Variants in SPON1 observed in about 807,000 individuals in gnomAD.
SPON1 encodes spondin-1.
In SPON1, 52 loss-of-function variants were observed where a neutral mutation model predicts 111.7. That is an observed-to-expected ratio of 0.47 (90% CI 0.37 to 0.59). SPON1 has a LOEUF of 0.59. SPON1 is among the 20% of genes least tolerant of loss of function. SPON1 has a pLI of 0.00. For synonymous variants in SPON1, 410 were observed against 395.8 expected, an observed-to-expected ratio of 1.04 and a Z score of -0.43; for missense variants, 957 against 1,068.5, an observed-to-expected ratio of 0.90 and a Z score of 1.46.
chr11:14,041,563 G>A lies in SPON1; in HGVS notation c.388G>A (p.Val130Ile). The stretch of plus-strand genomic sequence containing the variant: ...AACTCAGTTTATGAGCAATTGCCCT[G>A]TTGCAGTCACTGAAAGCACTCCACG... ...EETQFMSNCP[V>I]AVTESTPRRR... is the part of the protein sequence containing the mutation. Residue 130 changes from valine (V) to isoleucine (I), a missense_variant, in exon 3 of 16, where the codon GTT (valine) becomes ATT (isoleucine). Physicochemically the swap from Val to Ile is conservative, Grantham distance 29. This residue lies in a region of SPON1 where 262 missense variants were observed against 253.9 expected (regional missense o/e 1.03). Coordinates refer to ENST00000576479, the MANE Select transcript of SPON1 (RefSeq NM_006108.4). 4.3e-6 allele frequency: 7 copies of A among 1,613,928 alleles called. No homozygotes were observed. Among genetic ancestry groups the A allele is most frequent in the Non-Finnish European group, 5.9e-6 (7 of 1,179,862 alleles).
At chr11:14,110,500 T>A (rs1294136181) in intron 5 of SPON1, among the ~76,000 whole-genome samples, 2 of 152,142 alleles carry the variant, frequency 1.3e-5, no homozygotes, top group African/African-American at 4.8e-5. Context: ...CTCACACAAT[T>A]ACAAGATGAA....
At chr11:14,181,255 A>G (rs1848232534) in intron 6 of SPON1, among the ~76,000 whole-genome samples, 1 of 152,144 alleles carries the variant, frequency 6.6e-6, no homozygotes, top group African/African-American at 2.4e-5. Flanking sequence ...TCCCACTACA[A>G]AGAGATGAAA....
In SPON1 at chr11:14,135,370, TGTTTCAGCCACA is replaced by T; in HGVS notation, c.677-48_677-37del. ...TCCTCCCCATCATTTAAGGGACTCGTGTTTCAGCCACAGCCATGCTGATAACTGCCTCCTGAT... is the reference window on the plus strand; with the variant it reads ...TCCTCCCCATCATTTAAGGGACTCGTGCCATGCTGATAACTGCCTCCTGAT... On this transcript the variant is annotated intron_variant, in intron 5 of 15. Transcript: ENST00000576479. The surrounding 1 kb of genome is among the most constrained non-coding windows in gnomAD (Gnocchi z 4.4). The T allele has an allele frequency of 6.3e-7, 1 of 1,580,104 alleles. No homozygotes were observed. The highest frequency in any genetic ancestry group is 8.6e-7 in the Non-Finnish European group (1 of 1,158,544).
Position 14,254,748 on chromosome 11 carries a change from AGT to A in SPON1, c.1092+21_1092+22del, listed in dbSNP as rs1849088270. 1.2e-6 allele frequency: 2 copies of A among 1,610,554 alleles called. No homozygotes were observed. Among genetic ancestry groups the A allele is most frequent in the Admixed American group, 1.7e-5 (1 of 59,936 alleles). Reference sequence around the variant, plus strand: ...CTATGAGGTGTGTGTGTGTGCCTGGAGTGGTGAGTGGCTCCTTGCCTACCCGC... The same window carrying A: ...CTATGAGGTGTGTGTGTGTGCCTGGAGGTGAGTGGCTCCTTGCCTACCCGC... On this transcript the variant is annotated intron_variant, in intron 8 of 15. Transcript: ENST00000576479.
At chr11:13,992,253 C>T (rs989768784) in intron 2 of SPON1, among the ~76,000 whole-genome samples, 4 of 152,162 alleles carry the variant, frequency 2.6e-5, no homozygotes, top group Non-Finnish European at 5.9e-5. Context: ...TCAGAGATGT[C>T]CTGCCCAGAG....
intron 6 of SPON1, among the ~76,000 whole-genome samples, chr11:14,189,890 G>A (rs1848326570): frequency 6.6e-6 from 1 of 152,178 alleles, no homozygotes; most frequent in Non-Finnish European, 1.5e-5. Flanking sequence ...AACACAGACA[G>A]TTAGCTGGTC....
chr11:14,096,648 A>C (rs1173758507), intron 5 of SPON1, among the ~76,000 whole-genome samples: 3 of 152,202 alleles, frequency 2.0e-5, no homozygotes, highest in African/African-American at 7.2e-5. Flanking sequence ...TTCCAGCTTC[A>C]ACTCTCCCTC....
intron 6 of SPON1, among the ~76,000 whole-genome samples, chr11:14,153,470 A>C (rs1301142928): frequency 6.6e-6 from 1 of 152,152 alleles, no homozygotes; most frequent in African/African-American, 2.4e-5. Flanking sequence ...ACACACTTTT[A>C]AACAACCAAA....
chr11:14,187,029 A>C (rs1474557301), intron 6 of SPON1, among the ~76,000 whole-genome samples: 1 of 152,240 alleles, frequency 6.6e-6, no homozygotes, highest in Non-Finnish European at 1.5e-5. Flanking sequence ...TGCAGGCCAT[A>C]CGAGCACAGC....
At chr11:14,010,594 G>C (rs1327408419) in intron 2 of SPON1, among the ~76,000 whole-genome samples, 1 of 152,214 alleles carries the variant, frequency 6.6e-6, no homozygotes, top group African/African-American at 2.4e-5. Flanking sequence ...TGCATGAGTG[G>C]AGTGTGTTTA....
chr11:14,104,384 G>T (rs1849169758), intron 5 of SPON1, among the ~76,000 whole-genome samples: 1 of 151,030 alleles, frequency 6.6e-6, no homozygotes, highest in African/African-American at 2.4e-5. Context: ...CAATTAATTT[G>T]TTTGGTTTGG....
chr11:14,128,107 C>G (rs543658045), intron 5 of SPON1, among the ~76,000 whole-genome samples: 1 of 152,288 alleles, frequency 6.6e-6, no homozygotes, highest in East Asian at 1.9e-4. Flanking sequence ...TCTCTGGACC[C>G]TCCCAAATCT....
At chr11:14,059,734 T>G (rs1290413980) in intron 3 of SPON1, among the ~76,000 whole-genome samples, 1 of 151,938 alleles carries the variant, frequency 6.6e-6, no homozygotes, top group Admixed American at 6.6e-5. Flanking sequence ...GAAGAGCAAG[T>G]TCCCCCCAGC....
intron 3 of SPON1, among the ~76,000 whole-genome samples, chr11:14,074,709 C>T (rs375123073): frequency 2.0e-5 from 3 of 152,188 alleles, no homozygotes; most frequent in East Asian, 1.9e-4. Flanking sequence ...CAAATTAAAG[C>T]GAAAATATGT....
At chr11:14,254,912 G>A (rs1488182585) in intron 8 of SPON1, among the ~76,000 whole-genome samples, 183 bp downstream of exon 8, 1 of 152,090 alleles carries the variant, frequency 6.6e-6, no homozygotes, top group Non-Finnish European at 1.5e-5. Context: ...TCTGTGCAGT[G>A]GCCAGGAGAG....
chr11:14,082,082 G>A (rs1379768996), intron 5 of SPON1, among the ~76,000 whole-genome samples: 1 of 152,046 alleles, frequency 6.6e-6, no homozygotes, highest in Non-Finnish European at 1.5e-5. Context: ...CTAACCAGAG[G>A]AAATAAAATG....
chr11:14,029,716 C>T (rs1848544840), intron 2 of SPON1, among the ~76,000 whole-genome samples: 1 of 152,144 alleles, frequency 6.6e-6, no homozygotes, highest in Admixed American at 6.5e-5. Flanking sequence ...TGGCTTCATC[C>T]AGGAAGTGTA....
At chr11:14,030,925 A>T (rs1347605454) in intron 2 of SPON1, among the ~76,000 whole-genome samples, 1 of 152,262 alleles carries the variant, frequency 6.6e-6, no homozygotes, top group African/African-American at 2.4e-5. Flanking sequence ...TTACAGTACT[A>T]TTCACAATAG....
chr11:14,214,847 T>C (rs533096667), intron 6 of SPON1, among the ~76,000 whole-genome samples: 1 of 152,252 alleles, frequency 6.6e-6, no homozygotes, highest in Non-Finnish European at 1.5e-5. Context: ...TGAGAGAGGA[T>C]GAAGGGGATG....
Sources: allele counts gnomAD v4.1 joint callset (sites outside exome capture counted in the v4.1 genomes callset), GRCh38; gene constraint gnomAD v4.1.1; regional missense constraint gnomAD v4.1.1; non-coding constraint Gnocchi (gnomAD v3.1); transcripts MANE v1.5; gene names NCBI Gene and HGNC (gene_info 2026-07-23, HGNC 2026-07-21).